The following FAM227B variants were observed in gnomAD, a reference collection of about 807,000 sequenced individuals.
The protein encoded by FAM227B is family with sequence similarity 227 member B.
A neutral mutation model predicts 73.8 loss-of-function variants in FAM227B; 88 were observed. The observed-to-expected ratio is 1.19, with a 90% CI of 1.00 to 1.42. FAM227B has a LOEUF of 1.42. Ranked by LOEUF, FAM227B falls within the 40% of genes most tolerant of loss-of-function variation. The pLI is 0.00. For missense variants in FAM227B, 632 were observed against 590.9 expected (o/e 1.07, Z -0.72); for synonymous variants, 210 against 190.5 (o/e 1.10, Z -0.84).
intron 11 of FAM227B, among the ~76,000 whole-genome samples, chr15:49,506,300 T>A (rs149869387): frequency 6.6e-6 from 1 of 152,178 alleles, no homozygotes; most frequent in African/African-American, 2.4e-5. Flanking sequence ...TCACATATTC[T>A]TTATTTTGTT....
At chr15:49,540,400 A>T (rs535773161) in intron 10 of FAM227B, among the ~76,000 whole-genome samples, 1 of 152,186 alleles carries the variant, frequency 6.6e-6, no homozygotes, top group East Asian at 1.9e-4. Context: ...CTTTCTGTGC[A>T]ATTATTGGTT....
intron 11 of FAM227B, among the ~76,000 whole-genome samples, chr15:49,430,971 G>C (rs1341522243): frequency 6.6e-6 from 1 of 151,680 alleles, no homozygotes; most frequent in Non-Finnish European, 1.5e-5. Context: ...ACAACATTAG[G>C]GCAAAGCTTT....
chr15:49,601,341 G>A (rs2077194727), intron 3 of FAM227B, among the ~76,000 whole-genome samples: 1 of 151,760 alleles, frequency 6.6e-6, no homozygotes, highest in Non-Finnish European at 1.5e-5. Flanking sequence ...ACATCTTACA[G>A]TTATTATGTT....
At chr15:49,576,872 A>G (rs1402098638) in intron 6 of FAM227B, 27 bp from the exon 7 acceptor site, 2 of 1,382,756 alleles carry the variant, frequency 1.4e-6, no homozygotes, top group Non-Finnish European at 2.0e-6. Flanking sequence ...ATAACAGGAG[A>G]GTAAATATTT....
intron 13 of FAM227B, among the ~76,000 whole-genome samples, chr15:49,355,676 A>C (rs938223460): frequency 3.3e-5 from 5 of 151,738 alleles, no homozygotes; most frequent in African/African-American, 1.2e-4. Context: ...GCAGGATATT[A>C]TCCAGGAGAA....
At chr15:49,600,360 T>G (rs1416537415) in intron 3 of FAM227B, among the ~76,000 whole-genome samples, 2 of 151,496 alleles carry the variant, frequency 1.3e-5, no homozygotes, top group Non-Finnish European at 2.9e-5. Context: ...CTTTTTTTTT[T>G]TTTTTAAATC....
intron 3 of FAM227B, among the ~76,000 whole-genome samples, chr15:49,604,355 T>C (rs2077381549): frequency 6.6e-6 from 1 of 152,062 alleles, no homozygotes; most frequent in Non-Finnish European, 1.5e-5. Context: ...TGGCAGTTTT[T>C]TTTTCAACAC....
intron 11 of FAM227B, among the ~76,000 whole-genome samples, chr15:49,453,922 C>A (rs572387632): frequency 6.6e-6 from 1 of 152,262 alleles, no homozygotes; most frequent in African/African-American, 2.4e-5. Flanking sequence ...TCCTCCATCT[C>A]TTCTAGCTCC....
intron 11 of FAM227B, among the ~76,000 whole-genome samples, chr15:49,452,912 A>G (rs537914694): frequency 9.0e-4 from 137 of 152,312 alleles, no homozygotes; most frequent in African/African-American, 3.2e-3. Flanking sequence ...AATATTTTAC[A>G]TATTTCAAAG....
At chr15:49,336,510 T>C (rs917339103) in intron 13 of FAM227B, among the ~76,000 whole-genome samples, 2 of 152,224 alleles carry the variant, frequency 1.3e-5, no homozygotes, top group Non-Finnish European at 2.9e-5. Flanking sequence ...ACTGTCCTCT[T>C]ACAGCCCCAC....
chr15:49,508,696 C>T (rs543166104), intron 10 of FAM227B, among the ~76,000 whole-genome samples: 67 of 152,044 alleles, frequency 4.4e-4, no homozygotes, highest in South Asian at 3.5e-3. Flanking sequence ...ATTTTCTCAG[C>T]GGTGAGTGTT....
intron 3 of FAM227B, chr15:49,606,316 C>A (rs2077519226): frequency 6.6e-6 from 1 of 152,108 alleles, no homozygotes; most frequent in Admixed American, 6.5e-5. Context: ...TGAGTTCACA[C>A]TGATGCCTCT....
intron 11 of FAM227B, among the ~76,000 whole-genome samples, chr15:49,377,379 T>C (rs1304525497): frequency 6.6e-6 from 1 of 152,074 alleles, no homozygotes; most frequent in South Asian, 2.1e-4. Context: ...GGGGTACATA[T>C]CCAGCAGTGA....
chr15:49,443,921 G>C (rs905268423), intron 11 of FAM227B, among the ~76,000 whole-genome samples: 4 of 134,534 alleles, frequency 3.0e-5, no homozygotes, highest in East Asian at 5.4e-4. Context: ...TTTTCCCTGA[G>C]AGTCAGTTGT....
intron 10 of FAM227B, among the ~76,000 whole-genome samples, chr15:49,518,568 A>G (rs2059550038): frequency 6.6e-6 from 1 of 152,286 alleles, no homozygotes; most frequent in South Asian, 2.1e-4. Context: ...GAGCAAAACT[A>G]GGTCTTACCT....
intron 10 of FAM227B, among the ~76,000 whole-genome samples, chr15:49,510,068 C>G (rs965425622): frequency 9.9e-5 from 15 of 152,098 alleles, no homozygotes; most frequent in Admixed American, 8.5e-4. Flanking sequence ...ATAACCATAG[C>G]ACACACAAAA....
At chr15:49,424,606 C>A in intron 11 of FAM227B, 3 of 1,518,302 alleles carry the variant, frequency 2.0e-6, no homozygotes, top group African/African-American at 1.4e-5. Flanking sequence ...AAGTACTGCT[C>A]ATGAACCTTA....
chr15:49,558,988 C>A (rs2074007081), intron 9 of FAM227B, among the ~76,000 whole-genome samples: 1 of 152,044 alleles, frequency 6.6e-6, no homozygotes, highest in Non-Finnish European at 1.5e-5. Flanking sequence ...AAGACGTGAG[C>A]CATAAAACTG....
chr15:49,375,615 T>G (rs2151495259), intron 11 of FAM227B, among the ~76,000 whole-genome samples: 1 of 152,254 alleles, frequency 6.6e-6, no homozygotes, highest in East Asian at 1.9e-4. Flanking sequence ...GCTTTTAAGC[T>G]TAAGATTTGA....
Sources: gnomAD v4.1 joint callset for allele counts (sites outside exome capture counted in the v4.1 genomes callset) on GRCh38, gnomAD v4.1.1 for gene constraint, MANE v1.5 for transcripts, NCBI Gene and HGNC (gene_info 2026-07-23, HGNC 2026-07-21) for gene names.